The following FBN3 variants were observed in gnomAD, a reference collection of about 807,000 sequenced individuals.
The protein encoded by FBN3 is fibrillin 3.
In FBN3, 234 loss-of-function variants were observed where a neutral mutation model predicts 330.1. That is an observed-to-expected ratio of 0.71 (90% CI 0.64 to 0.79). The LOEUF (loss-of-function observed/expected upper bound fraction) is 0.79, where lower values mean the gene tolerates loss of function less well. FBN3 is among the 30% of genes least tolerant of loss of function. FBN3 has a pLI of 0.00. For synonymous variants in FBN3, 1,458 were observed against 1,517.3 expected, an observed-to-expected ratio of 0.96 and a Z score of 0.91; for missense variants, 3,606 against 3,886.9, an observed-to-expected ratio of 0.93 and a Z score of 1.92.
chr19:8,100,532 T>G (rs905245658), intron 41 of FBN3, among the ~76,000 whole-genome samples: 2 of 152,122 alleles, frequency 1.3e-5, no homozygotes, highest in Admixed American at 1.3e-4. Context: ...GAGACACGGT[T>G]TCACCATGTT....
chr19:8,141,057 T>A (rs1264036489), intron 8 of FBN3, among the ~76,000 whole-genome samples: 1 of 150,680 alleles, frequency 6.6e-6, no homozygotes, highest in African/African-American at 2.4e-5. Flanking sequence ...TATCCGGGCG[T>A]GGTAGCGGGC....
Position 8,146,243 on chromosome 19 carries a change from G to A in FBN3, c.251-18C>T, listed in dbSNP as rs375902460. 6.4e-7 allele frequency: 1 copy of A among 1,573,076 alleles called. No individual in the cohort carries two copies. Among genetic ancestry groups the A allele is most frequent in the South Asian group, 1.2e-5 (1 of 85,620 alleles). On this transcript the variant is annotated intron_variant, in intron 3 of 63. Coordinates refer to ENST00000600128, the MANE Select transcript of FBN3 (RefSeq NM_032447.5). ...ACAGATGGCTGGATGAGTGCAGCGG[G>A]TGGCAGTCAAGACCAGGACCGAGCC... is the stretch of plus-strand genomic sequence containing the variant.
intron 10 of FBN3, among the ~76,000 whole-genome samples, chr19:8,137,880 G>C (rs563532859): frequency 6.6e-6 from 1 of 152,022 alleles, no homozygotes; most frequent in Non-Finnish European, 1.5e-5. Context: ...CTTCCACCTC[G>C]GCCTCCCAAA....
At chr19:8,089,855 G>A (rs749396792) in intron 50 of FBN3, 39 bp downstream of exon 50, 2 of 1,561,998 alleles carry the variant, frequency 1.3e-6, no homozygotes, top group Non-Finnish European at 1.7e-6. Context: ...GATCTGGGTG[G>A]CCCAGAAGGG....
chr19:8,079,401 A>G (rs2081720126), intron 59 of FBN3, among the ~76,000 whole-genome samples: 1 of 146,528 alleles, frequency 6.8e-6, no homozygotes, highest in Non-Finnish European at 1.5e-5. Flanking sequence ...TGGGTGATGG[A>G]GCAAGACTCC....
chr19:8,100,777 G>A, intron 41 of FBN3, 124 bp downstream of exon 41: 1 of 707,688 alleles, frequency 1.4e-6, no homozygotes, highest in Non-Finnish European at 2.5e-6. Flanking sequence ...GGTGTGTGGA[G>A]CGAGGAGGAG....
At chr19:8,102,178 G>A (rs1445307874) in intron 40 of FBN3, among the ~76,000 whole-genome samples, 2 of 151,954 alleles carry the variant, frequency 1.3e-5, no homozygotes, top group Admixed American at 6.6e-5. Context: ...CCAGTTATGT[G>A]GAACTGCGAG....
chr19:8,110,369 T>C (rs1339542179), intron 34 of FBN3, among the ~76,000 whole-genome samples: 1 of 152,196 alleles, frequency 6.6e-6, no homozygotes, highest in African/African-American at 2.4e-5. Flanking sequence ...AAAACCCATA[T>C]ATAGAAAATA....
At chr19:8,104,197 G>T (rs2082390959) in intron 38 of FBN3, among the ~76,000 whole-genome samples, 1 of 149,642 alleles carries the variant, frequency 6.7e-6, no homozygotes, top group Non-Finnish European at 1.5e-5. Context: ...TTACAAGCTG[G>T]ATGCAGTGGC....
At chr19:8,127,652 C>A (rs1000506319) in intron 18 of FBN3, among the ~76,000 whole-genome samples, 1 of 152,198 alleles carries the variant, frequency 6.6e-6, no homozygotes, top group Admixed American at 6.5e-5. Context: ...TCACAGGACT[C>A]AGGGAAATAC....
chr19:8,075,046 C>G (rs779684519), intron 61 of FBN3, 25 bp downstream of exon 61: 87 of 1,596,800 alleles, frequency 5.4e-5, no homozygotes, highest in Non-Finnish European at 7.3e-5. Flanking sequence ...GAGGGCCCAG[C>G]TTCTTCCCAG....
At chr19:8,120,350 A>C (rs1039805932) in intron 25 of FBN3, among the ~76,000 whole-genome samples, 4 of 150,868 alleles carry the variant, frequency 2.7e-5, no homozygotes, top group African/African-American at 7.3e-5. Context: ...TTTGTATTTT[A>C]ATAGAGACGG....
intron 10 of FBN3, 60 bp downstream of exon 10, chr19:8,138,081 C>T: frequency 6.7e-7 from 1 of 1,495,394 alleles, no homozygotes; most frequent in Non-Finnish European, 8.9e-7. Flanking sequence ...GGAGCTCTCT[C>T]CCCAGATCCA....
intron 41 of FBN3, among the ~76,000 whole-genome samples, chr19:8,097,833 T>C (rs2082243613): frequency 6.6e-6 from 1 of 152,214 alleles, no homozygotes; most frequent in Non-Finnish European, 1.5e-5. Flanking sequence ...CCCTGTAACA[T>C]GTGACAATGT....
At position 8,145,892 on chromosome 19, in the gene FBN3, C is replaced by T; in HGVS notation, c.396G>A (p.Gly132=). The T allele has an allele frequency of 1.3e-6, 2 of 1,551,298 alleles. No individual in the cohort carries two copies. Among genetic ancestry groups the T allele is most frequent in the East Asian group, 2.4e-5 (1 of 40,914 alleles). ...VSCMNGGTCR[G]ASCLCQKGYT... ...AGCCCTTCTGACACAGACAGGACGC[C>T]CCCCGGCAGGTGCCCCCATTCATAC... The change falls in exon 5 of 64, where the codon GGG becomes GGA. Residue 132 remains glycine (G), a synonymous_variant. Transcript: ENST00000600128.
intron 34 of FBN3, among the ~76,000 whole-genome samples, chr19:8,110,187 C>T (rs1376570920): frequency 6.6e-6 from 1 of 152,148 alleles, no homozygotes; most frequent in Non-Finnish European, 1.5e-5. Flanking sequence ...TTTGGAGTAG[C>T]TGGGACTACA....
rs1355653753 is a variant in FBN3, at chr19:8,131,947, TTG to T, written c.1715-120_1715-119del. On this transcript the variant is annotated intron_variant, in intron 14 of 63. Transcript: ENST00000600128. The surrounding 1 kb of genome is among the most constrained non-coding windows in gnomAD (Gnocchi z 4.5). ...TTCTATTTCTTTCCTTTCCAGTTTC[TTG>T]TCTTTCCAGTTTCCTGTTGTCTGTG... 5 of 1,229,234 alleles carry T rather than the reference TTG, an allele frequency of 4.1e-6. No homozygotes were observed. Among genetic ancestry groups the T allele is most frequent in the Non-Finnish European group, 5.4e-6 (5 of 924,120 alleles). 76.1% of individuals were successfully genotyped at this position (1,229,234 alleles called of 1,614,324 possible). A position where few individuals can be genotyped will look rare whatever the true frequency, so the allele number is the denominator to read the frequency against.
In FBN3 at chr19:8,087,129, G is replaced by T. The variant is rs147211486; in HGVS notation, c.6702C>A (p.Cys2234Ter). The change falls in exon 54 of 64, where the codon TGC becomes TGA. Residue 2234 changes from cysteine (C) to a stop codon, truncating the protein, a stop_gained. Coordinates refer to ENST00000600128, the MANE Select transcript of FBN3 (RefSeq NM_032447.5). LOFTEE classifies it high-confidence loss of function. ...ECKNLIGTFA[C>*]VCPPGMRPLP... The stretch of plus-strand genomic sequence containing the variant: ...GGGGCCGCATGCCTGGGGGACAGAC[G>T]CACGCGAAGGTACCGATGAGGTTCT... 2.5e-6 allele frequency: 4 copies of T among 1,610,704 alleles called. No individual in the cohort carries two copies.
At chr19:8,104,031 G>T (rs781533243) in intron 38 of FBN3, among the ~76,000 whole-genome samples, 1 of 151,770 alleles carries the variant, frequency 6.6e-6, no homozygotes, top group African/African-American at 2.4e-5. Flanking sequence ...CCAGCCACTT[G>T]GGAGGATCAC....
Sources: gnomAD v4.1 joint callset for allele counts (sites outside exome capture counted in the v4.1 genomes callset) on GRCh38, gnomAD v4.1.1 for gene constraint, Gnocchi (gnomAD v3.1) non-coding constraint, MANE v1.5 for transcripts, NCBI Gene and HGNC (gene_info 2026-07-23, HGNC 2026-07-21) for gene names.